Variants in IMP4 observed in about 807,000 individuals in gnomAD.
IMP4 encodes the protein IMP U3 small nucleolar ribonucleoprotein 4.
A neutral mutation model predicts 42.7 loss-of-function variants in IMP4; 30 were observed. The ratio of observed to expected loss-of-function variants is 0.70; its 90% CI spans 0.53 to 0.95. IMP4 has a LOEUF of 0.95. IMP4 is among the 40% of genes least tolerant of loss of function. The pLI, the probability that IMP4 is intolerant of heterozygous loss-of-function variation, is 0.00. For missense variants in IMP4, 382 were observed against 411.4 expected (o/e 0.93, Z 0.62); for synonymous variants, 165 against 165.2 (o/e 1.00, Z 0.01).
chr2:130,344,991 G>A, intron 3 of IMP4: 3 of 568,424 alleles, frequency 5.3e-6, no homozygotes, highest in Non-Finnish European at 6.3e-6. Flanking sequence ...ACACATTATT[G>A]GTGCCCATAC....
In IMP4 at chr2:130,345,934, GT is replaced by G; in HGVS notation, c.594+2del. 6.2e-7 allele frequency: 1 copy of G among 1,614,232 alleles called. No homozygotes were observed. The highest frequency in any genetic ancestry group is 8.5e-7 in the Non-Finnish European group (1 of 1,180,048). ...CTTCTCCTCCCGCCTGGGCAAGCGG[GT>G]GAGTCTGGGGGCCTTCAGGCTGGGG... On this transcript the variant is annotated splice_donor_variant, in intron 6 of 8. Transcript: ENST00000259239. LOFTEE classifies it high-confidence loss of function. The surrounding 1 kb of genome is among the most constrained non-coding windows in gnomAD (Gnocchi z 4.9).
At chr2:130,343,570 C>T (rs111691330) in intron 2 of IMP4, among the ~76,000 whole-genome samples, 1 of 151,988 alleles carries the variant, frequency 6.6e-6, no homozygotes, top group Admixed American at 6.5e-5. Context: ...GAAATCTCGT[C>T]TCTACTAAAC....
chr2:130,344,564 T>C (rs1679363378), intron 2 of IMP4, 65 bp from the exon 3 acceptor site: 2 of 976,864 alleles, frequency 2.0e-6, no homozygotes, highest in Non-Finnish European at 3.3e-6. Flanking sequence ...TAAGCTGTGG[T>C]GTATTGGATG....
At position 130,345,654 on chromosome 2, in the gene IMP4, G is replaced by A. The variant is rs775845376; in HGVS notation, c.394G>A (p.Gly132Ser). ...ACTGGTGCGAGCCTGCAAAGCCAACGGCGTCACCGATCTGCTGGTCGTTCA... is the reference window on the plus strand; with the variant it reads ...ACTGGTGCGAGCCTGCAAAGCCAACAGCGTCACCGATCTGCTGGTCGTTCA... ...GALVRACKANGVTDLLVVHEH... is the reference protein window; with the variant it reads ...GALVRACKANSVTDLLVVHEH... Residue 132 changes from glycine to serine, a missense_variant, in exon 5 of 9, where the codon GGC (glycine) becomes AGC (serine). Gly to Ser is a moderately conservative substitution (Grantham distance 56, BLOSUM62 0). Coordinates refer to ENST00000259239, the MANE Select transcript of IMP4 (RefSeq NM_033416.3). This position sits in a 1 kb window ranked among gnomAD's most constrained non-coding sequence, Gnocchi z 4.9. The A allele has an allele frequency of 1.1e-4, 170 of 1,614,020 alleles. No individual in the cohort carries two copies. Among genetic ancestry groups the A allele is most frequent in the Non-Finnish European group, 1.3e-4 (158 of 1,180,048 alleles).
rs551097020 is a variant in IMP4 at position 130,345,009 on chromosome 2, C to T, written c.196+297C>T. 7.1e-6 allele frequency: 4 copies of T among 561,162 alleles called. No homozygotes were observed. The East Asian group carries it at 1.2e-4, about 17-fold the overall frequency. 34.8% of individuals were successfully genotyped at this position (561,162 alleles called of 1,614,324 possible). On this transcript the variant is annotated intron_variant, in intron 3 of 8. Coordinates refer to ENST00000259239, the MANE Select transcript of IMP4 (RefSeq NM_033416.3). The surrounding 1 kb of genome is among the most constrained non-coding windows in gnomAD (Gnocchi z 4.9). The stretch of plus-strand genomic sequence containing the variant: ...CATTATTGGTGCCCATACGTTTATT[C>T]ACTGCATTATTCAAGAAACAAGAAA...
intron 3 of IMP4, 155 bp downstream of exon 3, chr2:130,344,867 A>C: frequency 3.1e-6 from 2 of 634,974 alleles, no homozygotes; most frequent in Non-Finnish European, 5.7e-6. Context: ...GCTCTCCCTG[A>C]GTGTGCCCTG....
intron 2 of IMP4, 155 bp downstream of exon 2, chr2:130,343,349 TATTA>T (rs771688194): frequency 2.8e-5 from 20 of 724,380 alleles, no homozygotes; most frequent in Non-Finnish European, 3.8e-5. Flanking sequence ...CGTGTGATGG[TATTA>T]ATTACTTGTC....
rs2104903953 is a variant in IMP4, at chr2:130,346,899, A to G, written c.*431A>G. ...GCCAGTGTGCCAACGCGGAGGGGAC[A>G]GGCCACACCCAGTGCTCAGCAGCTG... On this transcript the variant is annotated 3_prime_UTR_variant, in exon 9 of 9. Transcript: ENST00000259239. The G allele has an allele frequency of 8.2e-6, 2 of 244,576 alleles. No individual in the cohort carries two copies. The highest frequency in any genetic ancestry group is 5.0e-5 in the Admixed American group (1 of 19,904). 15.2% of individuals were successfully genotyped at this position (244,576 alleles called of 1,614,324 possible). A position where few individuals can be genotyped will look rare whatever the true frequency, so the allele number is the denominator to read the frequency against.
intron 7 of IMP4, 40 bp downstream of exon 7, chr2:130,346,152 C>T (rs748528422): frequency 1.2e-6 from 2 of 1,612,252 alleles, no homozygotes; most frequent in African/African-American, 1.3e-5. Context: ...CATCCCCACC[C>T]TGTGTACCTC....
Position 130,343,405 on chromosome 2 carries a change from G to A in IMP4, c.112+211G>A. ...CCGGGTTTTGCAGCTTGCCCGCTGT[G>A]TGCAGTGTGTCAAGTTCGTCCCAAG... On this transcript the variant is annotated intron_variant, in intron 2 of 8. Transcript: ENST00000259239. The A allele has an allele frequency of 5.6e-6, 4 of 712,770 alleles. No homozygotes were observed. The Middle Eastern group carries it at 6.9e-4, about 123-fold the overall frequency. 44.2% of individuals were successfully genotyped at this position (712,770 alleles called of 1,614,324 possible).
At chr2:130,342,968 G>A (rs1416011336) in intron 1 of IMP4, 33 bp downstream of exon 1, 1 of 1,614,138 alleles carries the variant, frequency 6.2e-7, no homozygotes, top group East Asian at 2.2e-5. Flanking sequence ...CGGAGGTCCG[G>A]GGCGCGTGAA....
Position 130,346,691 on chromosome 2 carries a change from G to C in IMP4, c.*223G>C, listed in dbSNP as rs976148493. The C allele has an allele frequency of 3.4e-6, 2 of 593,434 alleles. No homozygotes were observed. Among genetic ancestry groups the C allele is most frequent in the Admixed American group, 2.9e-5 (1 of 34,256 alleles). 36.8% of individuals were successfully genotyped at this position (593,434 alleles called of 1,614,324 possible). ...AGCCCATGGGATCCCTTTGGGTGGGGACCTGATGGCTGTGGGACGTGCTTG... is the reference window on the plus strand; with the variant it reads ...AGCCCATGGGATCCCTTTGGGTGGGCACCTGATGGCTGTGGGACGTGCTTG... On this transcript the variant is annotated 3_prime_UTR_variant, in exon 9 of 9. Transcript: ENST00000259239.
chr2:130,344,994 G>A (rs1215721980), intron 3 of IMP4: 1 of 566,918 alleles, frequency 1.8e-6, no homozygotes. Flanking sequence ...CATTATTGGT[G>A]CCCATACGTT....
Position 130,346,734 on chromosome 2 carries a change from G to A in IMP4, c.*266G>A. ...CGTGCTTGGGCCTGGAGTCAGTGTG[G>A]GGGTTAACAGAGAGAGAGATTTGAT... On this transcript the variant is annotated 3_prime_UTR_variant, in exon 9 of 9. Transcript: ENST00000259239. The A allele has an allele frequency of 3.7e-6, 2 of 539,622 alleles. No homozygotes were observed. The highest frequency in any genetic ancestry group is 3.2e-5 in the Admixed American group (1 of 31,734). The allele number at this position is 539,622 out of a possible 1,614,324, so 33.4% of individuals were successfully genotyped here.
rs757187904 is a variant in IMP4, at chr2:130,344,683, C to G, written c.167C>G (p.Ser56Cys). The G allele has an allele frequency of 6.2e-7, 1 of 1,613,840 alleles. No homozygotes were observed. The highest frequency in any genetic ancestry group is 1.3e-5 in the African/African-American group (1 of 74,928). ...CGAGAGGCTCTGGCCTTACAGGGGT[C>G]CCTGGAGTTTGATGATGCTGGAGGT... ...LRREALALQG[S>C]LEFDDAGGEG... Residue 56 changes from serine (S) to cysteine (C), a missense_variant, in exon 3 of 9, where the codon TCC becomes TGC. Transcript: ENST00000259239.
rs554333084 is a variant in IMP4, at chr2:130,347,592, T to G, written c.*1124T>G. 1 of 152,360 alleles carries G rather than the reference T, an allele frequency of 6.6e-6. No homozygotes were observed. Among genetic ancestry groups the G allele is most frequent in the African/African-American group, 2.4e-5 (1 of 41,572 alleles). 9.4% of individuals were successfully genotyped at this position (152,360 alleles called of 1,614,324 possible). ...AAGGTCAACAGTTTAGGGAAGCGAT[T>G]AGGTCCTGAGGACTCTGCCCTCTTG... On this transcript the variant is annotated 3_prime_UTR_variant, in exon 9 of 9. Coordinates refer to ENST00000259239, the MANE Select transcript of IMP4 (RefSeq NM_033416.3).
intron 2 of IMP4, among the ~76,000 whole-genome samples, chr2:130,343,559 T>G (rs1679236410): frequency 6.6e-6 from 1 of 151,446 alleles, no homozygotes; most frequent in Non-Finnish European, 1.5e-5. Flanking sequence ...ACCAACATGG[T>G]GAAATCTCGT....
intron 3 of IMP4, chr2:130,344,941 C>A (rs1679404145): frequency 3.4e-6 from 2 of 587,538 alleles, no homozygotes; most frequent in African/African-American, 1.9e-5. Flanking sequence ...TTAATTACCT[C>A]CCCCACTGGA....
rs1216137675 is a variant in IMP4, at chr2:130,345,317, C to T, written c.197-59C>T. ...CGACATCCAGGCGGTCTTGGCTGCCCCGAAGTTAGCATTTCATTCCCAAGA... is the reference window on the plus strand; with the variant it reads ...CGACATCCAGGCGGTCTTGGCTGCCTCGAAGTTAGCATTTCATTCCCAAGA... On this transcript the variant is annotated intron_variant, in intron 3 of 8. Transcript: ENST00000259239. The surrounding 1 kb of genome is among the most constrained non-coding windows in gnomAD (Gnocchi z 4.9). 16 of 1,397,992 alleles carry T rather than the reference C, an allele frequency of 1.1e-5. No homozygotes were observed. In the Admixed American group the frequency reaches 2.6e-4, roughly 22 times the overall value. The allele number at this position is 1,397,992 out of a possible 1,614,324, so 86.6% of individuals were successfully genotyped here.
Sources: gnomAD v4.1 joint callset for allele counts (sites outside exome capture counted in the v4.1 genomes callset) on GRCh38, gnomAD v4.1.1 for gene constraint, Gnocchi (gnomAD v3.1) non-coding constraint, MANE v1.5 for transcripts, NCBI Gene and HGNC (gene_info 2026-07-23, HGNC 2026-07-21) for gene names.